Variants in PAM observed in about 807,000 individuals in gnomAD.
The protein encoded by PAM is peptidyl-glycine alpha-amidating monooxygenase.
A neutral mutation model predicts 122.1 loss-of-function variants in PAM; 72 were observed. The ratio of observed to expected loss-of-function variants is 0.59; its 90% CI spans 0.49 to 0.72. The LOEUF (loss-of-function observed/expected upper bound fraction) is 0.72, where lower values mean the gene tolerates loss of function less well. Ranked by LOEUF, PAM falls within the 30% of genes least tolerant of loss-of-function variation. PAM has a pLI of 0.00. For synonymous variants in PAM, 389 were observed against 404.4 expected, an observed-to-expected ratio of 0.96 and a Z score of 0.46; for missense variants, 1,106 against 1,183.7, an observed-to-expected ratio of 0.93 and a Z score of 0.96.
At chr5:102,758,085 T>TTTG in intron 1 of PAM, among the ~76,000 whole-genome samples, 1 of 43,314 alleles carries the variant, frequency 2.3e-5, no homozygotes. Flanking sequence ...TTTTTTTTTT[T>TTTG]TTTTTTTTTT....
chr5:102,958,769 T>G (rs1322973687), intron 12 of PAM, among the ~76,000 whole-genome samples: 1 of 152,162 alleles, frequency 6.6e-6, no homozygotes, highest in Non-Finnish European at 1.5e-5. Flanking sequence ...TATTTTTATT[T>G]TTTTCCTTCC....
At chr5:102,952,172 G>A (rs77800081) in intron 12 of PAM, among the ~76,000 whole-genome samples, 3 of 144,618 alleles carry the variant, frequency 2.1e-5, no homozygotes, top group Non-Finnish European at 1.5e-5. Flanking sequence ...TTAAGTGTGG[G>A]AAAAAAACAG....
intron 15 of PAM, among the ~76,000 whole-genome samples, chr5:102,975,462 A>G (rs920544658): frequency 5.3e-5 from 8 of 152,156 alleles, no homozygotes; most frequent in Non-Finnish European, 7.3e-5. Context: ...TGGAACCTGG[A>G]TTTTTAACTT....
At chr5:102,769,851 A>G (rs751354660) in intron 1 of PAM, among the ~76,000 whole-genome samples, 9 of 152,114 alleles carry the variant, frequency 5.9e-5, no homozygotes, top group Non-Finnish European at 1.3e-4. Flanking sequence ...TTGTGAATAC[A>G]TATAAATCTT....
chr5:102,845,065 T>C (rs1384145311), intron 1 of PAM, among the ~76,000 whole-genome samples: 1 of 152,256 alleles, frequency 6.6e-6, no homozygotes, highest in Non-Finnish European at 1.5e-5. Flanking sequence ...AGTTCCTCGT[T>C]CAGTCTTGAG....
intron 7 of PAM, among the ~76,000 whole-genome samples, chr5:102,935,557 A>AT (rs1203123160): frequency 6.6e-6 from 1 of 152,094 alleles, no homozygotes; most frequent in East Asian, 1.9e-4. Context: ...TAGAAATGAG[A>AT]TTTTGGGGTC....
At chr5:102,882,779 C>T (rs1180237023) in intron 3 of PAM, among the ~76,000 whole-genome samples, 1 of 152,036 alleles carries the variant, frequency 6.6e-6, no homozygotes, top group Admixed American at 6.6e-5. Context: ...GGTTCTTAGT[C>T]ATAAAGTCTT....
intron 1 of PAM, among the ~76,000 whole-genome samples, chr5:102,759,452 C>G (rs774662643): frequency 2.0e-5 from 3 of 152,144 alleles, no homozygotes; most frequent in Non-Finnish European, 4.4e-5. Flanking sequence ...AGAATCCAAG[C>G]TGTCTAAAGG....
At chr5:102,827,750 A>G (rs1403041520) in intron 1 of PAM, among the ~76,000 whole-genome samples, 1 of 13,742 alleles carries the variant, frequency 7.3e-5, no homozygotes. Flanking sequence ...GCAGTGGCGC[A>G]ATCTCGGCTC....
chr5:102,822,243 A>G (rs1226775887), intron 1 of PAM, among the ~76,000 whole-genome samples: 1 of 152,174 alleles, frequency 6.6e-6, no homozygotes, highest in Non-Finnish European at 1.5e-5. Flanking sequence ...TTATTTGACA[A>G]TAATTTGTAT....
intron 16 of PAM, among the ~76,000 whole-genome samples, chr5:102,998,080 C>A (rs1436312526): frequency 6.6e-6 from 1 of 152,140 alleles, no homozygotes; most frequent in African/African-American, 2.4e-5. Context: ...GAGAAATAAT[C>A]TGGACCTATA....
At chr5:103,017,176 C>G (rs1054124998) in intron 21 of PAM, among the ~76,000 whole-genome samples, 158 bp from the exon 22 acceptor site, 3 of 152,126 alleles carry the variant, frequency 2.0e-5, no homozygotes, top group Non-Finnish European at 2.9e-5. Context: ...ATGAATGACT[C>G]CCTTCAGCCT....
intron 1 of PAM, among the ~76,000 whole-genome samples, chr5:102,823,633 A>G (rs573926554): frequency 1.3e-5 from 2 of 152,338 alleles, no homozygotes; most frequent in East Asian, 1.9e-4. Flanking sequence ...CTACTTAACT[A>G]AGAATGAGAG....
Position 102,920,215 on chromosome 5 carries a change from G to T in PAM, c.357-4742G>T, listed in dbSNP as rs555238338. On this transcript the variant is annotated intron_variant, in intron 5 of 25. Transcript: ENST00000438793. ...GATTGGGCCATCATGAAGGGTAGATGAGGTAATATAAGTAATGTGTTTGGT... is the reference window on the plus strand; with the variant it reads ...GATTGGGCCATCATGAAGGGTAGATTAGGTAATATAAGTAATGTGTTTGGT... Among the ~76,000 whole-genome samples, 11 of 152,152 alleles carry T rather than the reference G, an allele frequency of 7.2e-5. No individual in the cohort carries two copies. In the South Asian group the frequency reaches 2.3e-3, roughly 32 times the overall value.
intron 3 of PAM, among the ~76,000 whole-genome samples, chr5:102,874,293 A>C (rs1311473029): frequency 1.3e-5 from 2 of 152,198 alleles, no homozygotes; most frequent in Non-Finnish European, 2.9e-5. Flanking sequence ...GGCAAGTGTC[A>C]AGTATATGAA....
At chr5:103,014,786 G>GCA (rs1781538355) in intron 21 of PAM, among the ~76,000 whole-genome samples, 2 of 152,088 alleles carry the variant, frequency 1.3e-5, no homozygotes, top group African/African-American at 4.8e-5. Flanking sequence ...AAAGAAAATG[G>GCA]TTCTATCAAA....
chr5:102,771,907 G>A (rs1298186616), intron 1 of PAM, among the ~76,000 whole-genome samples: 1 of 152,088 alleles, frequency 6.6e-6, no homozygotes, highest in African/African-American at 2.4e-5. Context: ...ATGTTTTCTT[G>A]TCCTAGTAAA....
intron 1 of PAM, among the ~76,000 whole-genome samples, chr5:102,764,621 A>G (rs940429664): frequency 2.6e-5 from 4 of 152,222 alleles, no homozygotes; most frequent in Non-Finnish European, 4.4e-5. Context: ...TCTTGCTGGT[A>G]GCTAAAACTT....
At chr5:102,896,598 G>A (rs1035767660) in intron 3 of PAM, among the ~76,000 whole-genome samples, 6 of 151,640 alleles carry the variant, frequency 4.0e-5, no homozygotes, top group African/African-American at 1.5e-4. Flanking sequence ...GATGGAACTA[G>A]TATAGTGGTA....
Sources: allele counts gnomAD v4.1 joint callset (sites outside exome capture counted in the v4.1 genomes callset), GRCh38; gene constraint gnomAD v4.1.1; transcripts MANE v1.5; gene names NCBI Gene and HGNC (gene_info 2026-07-23, HGNC 2026-07-21).